ZNF875: variants seen among roughly 807,000 people sequenced by gnomAD.
ZNF875 encodes zinc finger protein 875, also known as HKR1, GLI-Kruppel zinc finger family member.
A neutral mutation model predicts 11.2 loss-of-function variants in ZNF875; 14 were observed. The observed-to-expected ratio is 1.26, with a 90% CI of 0.83 to 1.96. The LOEUF (loss-of-function observed/expected upper bound fraction) is 1.96. Among genes scored for constraint, ZNF875 ranks in the 30% most tolerant of loss-of-function variants. The probability of loss-of-function intolerance (pLI) is 0.00; values close to 1 mark genes in which losing one functional copy is unlikely to be tolerated. For missense variants in ZNF875, 752 were observed against 760.4 expected (o/e 0.99, Z 0.13); for synonymous variants, 301 against 281.1 (o/e 1.07, Z -0.71).
In ZNF875 at chr19:37,362,933, A is replaced by G. The variant is rs765413915; in HGVS notation, c.1081A>G (p.Thr361Ala). ...CCTCATTACCCACCAGAGGGCGCAC[A>G]CTGGGGAGAAGCCTTATGTTTGCAG... The part of the protein sequence containing the change: ...SNLITHQRAH[T>A]GEKPYVCREC... The change falls in exon 5 of 5, where the codon ACT becomes GCT. Residue 361 changes from threonine (T) to alanine (A), a missense_variant. By Grantham distance (58) the Thr-to-Ala change is moderately conservative (BLOSUM62 0). Transcript: ENST00000392153. 6.2e-7 allele frequency: 1 copy of G among 1,612,212 alleles called. No individual in the cohort carries two copies.
At chr19:37,350,034 G>A (rs1478930634) in intron 4 of ZNF875, among the ~76,000 whole-genome samples, 2 of 136,332 alleles carry the variant, frequency 1.5e-5, no homozygotes, top group African/African-American at 5.6e-5. Flanking sequence ...GCGCAATCTC[G>A]GCTCACTGCA....
At chr19:37,337,494 T>C (rs1469050154) in intron 2 of ZNF875, 4 of 152,178 alleles carry the variant, frequency 2.6e-5, no homozygotes, top group African/African-American at 7.3e-5. Context: ...TCGGTCTGTC[T>C]TCCGGGCTGG....
chr19:37,325,267 A>C (rs2032227173), intron 4 of ZNF875, among the ~76,000 whole-genome samples: 1 of 152,122 alleles, frequency 6.6e-6, no homozygotes, highest in Admixed American at 6.6e-5. Context: ...CGCTGTCAGC[A>C]CCCGAAGGTA....
intron 4 of ZNF875, among the ~76,000 whole-genome samples, chr19:37,328,109 G>A (rs1314639717): frequency 6.6e-6 from 1 of 152,258 alleles, no homozygotes; most frequent in South Asian, 2.1e-4. Flanking sequence ...GTGTGGTGGT[G>A]CATGCGTGTA....
At chr19:37,348,693 A>G (rs1375906459) in intron 4 of ZNF875, among the ~76,000 whole-genome samples, 1 of 152,174 alleles carries the variant, frequency 6.6e-6, no homozygotes, top group Non-Finnish European at 1.5e-5. Context: ...TTGGACAGTT[A>G]CAGTTCTAAC....
In ZNF875 at chr19:37,362,242, C is replaced by T. The variant is rs1021393314; in HGVS notation, c.390C>T (p.His130=). 2 of 1,614,078 alleles carry T rather than the reference C, an allele frequency of 1.2e-6. No homozygotes were observed. The highest frequency in any genetic ancestry group is 1.3e-5 in the African/African-American group (1 of 74,924). The change falls in exon 5 of 5, where the codon CAC becomes CAT. Residue 130 remains histidine (H), a synonymous_variant. Transcript: ENST00000392153. ...FSSLWAGNPL[H]LGKHYPEDQK... is the part of the protein sequence containing the mutation. ...GTTTATGGGCAGGAAATCCTCTCCACCTGGGAAAACACTATCCAGAAGATC... is the reference window on the plus strand; with the variant it reads ...GTTTATGGGCAGGAAATCCTCTCCATCTGGGAAAACACTATCCAGAAGATC...
intron 1 of ZNF875, among the ~76,000 whole-genome samples, chr19:37,319,369 A>ATATAT (rs56256521): frequency 1.4e-4 from 20 of 139,832 alleles, no homozygotes; most frequent in East Asian, 6.3e-4. Context: ...ATATATATAT[A>ATATAT]ATAAAAATGG....
At chr19:37,350,653 T>A (rs745401629) in intron 4 of ZNF875, among the ~76,000 whole-genome samples, 3 of 152,056 alleles carry the variant, frequency 2.0e-5, no homozygotes, top group Non-Finnish European at 4.4e-5. Flanking sequence ...TTTCATTACA[T>A]AAATAAGATT....
upstream of ZNF875, chr19:37,317,183 T>TTTG (rs1555789998): frequency 1.6e-5 from 2 of 126,478 alleles, no homozygotes; most frequent in South Asian, 3.0e-4. Context: ...AACCTGGTTT[T>TTTG]TTTTTTTTTT....
At chr19:37,328,260 AG>A (rs1475841083) in intron 4 of ZNF875, among the ~76,000 whole-genome samples, 2 of 152,154 alleles carry the variant, frequency 1.3e-5, no homozygotes, top group Non-Finnish European at 2.9e-5. Context: ...AAAAAGAGAA[AG>A]GGTGGAAAAG....
chr19:37,334,632 G>C (rs1353186910), upstream of ZNF875: 2 of 455,292 alleles, frequency 4.4e-6, no homozygotes, highest in Admixed American at 4.7e-5. Flanking sequence ...TCAGTGTGTA[G>C]CGTTGACGTC....
At chr19:37,354,298 G>T (rs1306576937) in intron 4 of ZNF875, among the ~76,000 whole-genome samples, 1 of 113,028 alleles carries the variant, frequency 8.8e-6, no homozygotes, top group African/African-American at 3.5e-5. Flanking sequence ...TGTTTCTGTG[G>T]GTTTTAGGAG....
chr19:37,331,546 A>C (rs949062608), upstream of ZNF875, among the ~76,000 whole-genome samples: 31 of 149,988 alleles, frequency 2.1e-4, no homozygotes, highest in East Asian at 4.1e-4. Context: ...TCTCTGAAAC[A>C]TGTGCTGTGT....
chr19:37,349,337 A>G (rs1244785352), intron 4 of ZNF875, among the ~76,000 whole-genome samples: 1 of 152,198 alleles, frequency 6.6e-6, no homozygotes, highest in Non-Finnish European at 1.5e-5. Context: ...GCAATTGCTT[A>G]CACTCACATA....
chr19:37,330,505 T>A (rs1452040516), upstream of ZNF875, among the ~76,000 whole-genome samples: 1 of 152,176 alleles, frequency 6.6e-6, no homozygotes, highest in Non-Finnish European at 1.5e-5. Flanking sequence ...TCTTCCTGCC[T>A]CCTTCATCCC....
chr19:37,321,295 G>T (rs2031388809), intron 1 of ZNF875, among the ~76,000 whole-genome samples: 1 of 152,162 alleles, frequency 6.6e-6, no homozygotes, highest in Admixed American at 6.5e-5. Flanking sequence ...TCGTCCCTGG[G>T]CAATGGAATG....
At chr19:37,344,533 T>C (rs2036392711) in intron 2 of ZNF875, 1 of 655,976 alleles carries the variant, frequency 1.5e-6, no homozygotes, top group African/African-American at 1.8e-5. Context: ...AATGACGAAG[T>C]CTTTTGCTAG....
At chr19:37,329,263 G>C (rs1239654290) in intron 4 of ZNF875, among the ~76,000 whole-genome samples, 5 of 152,050 alleles carry the variant, frequency 3.3e-5, no homozygotes, top group Admixed American at 6.6e-5. Context: ...TCAGAGCCTC[G>C]CACCACCCAG....
chr19:37,361,933 CAAAA>C (rs59332957), intron 4 of ZNF875, 172 bp from the exon 5 acceptor site: 30,269 of 542,868 alleles, frequency 0.056, 1,274 homozygotes, highest in African/African-American at 0.17. Flanking sequence ...AACAAAAAAA[CAAAA>C]GAAAGTGTAA....
Sources: allele counts gnomAD v4.1 joint callset (sites outside exome capture counted in the v4.1 genomes callset), GRCh38; gene constraint gnomAD v4.1.1; transcripts MANE v1.5; gene names NCBI Gene and HGNC (gene_info 2026-07-23, HGNC 2026-07-21).